Variants in CHST11 observed in about 807,000 individuals in gnomAD.
CHST11 encodes carbohydrate sulfotransferase 11, also known as C4S-1.
In CHST11, 9 loss-of-function variants were observed where a neutral mutation model predicts 30.4. The ratio of observed to expected loss-of-function variants is 0.30; its 90% CI spans 0.18 to 0.52. The LOEUF (loss-of-function observed/expected upper bound fraction) is 0.52, where lower values mean the gene tolerates loss of function less well. Among genes scored for constraint, CHST11 ranks in the 20% least tolerant of loss-of-function variants. The pLI is 0.97. For synonymous variants in CHST11, 152 were observed against 187.8 expected (o/e 0.81, Z 1.56); for missense variants, 348 against 460.6 (o/e 0.76, Z 2.24).
chr12:104,686,232 T>TAAGAAAAAAAAAA (rs2039844837), intron 2 of CHST11, among the ~76,000 whole-genome samples: 1 of 99,140 alleles, frequency 1.0e-5, no homozygotes, highest in South Asian at 3.7e-4. Context: ...ACTCACCTCT[T>TAAGAAAAAAAAAA]AAAAAAAAAA....
chr12:104,513,132 G>GGGT (rs2037984602), intron 1 of CHST11, among the ~76,000 whole-genome samples: 1 of 110,212 alleles, frequency 9.1e-6, no homozygotes, highest in African/African-American at 3.9e-5. Flanking sequence ...CTGGGGGGGG[G>GGGT]GGGGGTTGGG....
At chr12:104,727,922 TA>T (rs2040228419) in intron 2 of CHST11, among the ~76,000 whole-genome samples, 1 of 152,054 alleles carries the variant, frequency 6.6e-6, no homozygotes, top group Non-Finnish European at 1.5e-5. Context: ...GCAAGCAAGT[TA>T]AAAATCAGGC....
rs1474273961 is a variant in CHST11, at chr12:104,517,559, C to G, written c.118+60030C>G. ...GCAGGTTGTGATTCCATAGGCCTGG[C>G]CTGGGGTCTGATCCTGCATTTGTAA... On this transcript the variant is annotated intron_variant, in intron 1 of 2. Coordinates refer to ENST00000303694, the MANE Select transcript of CHST11 (RefSeq NM_018413.6). Among the ~76,000 whole-genome samples the G allele has an allele frequency of 2.0e-5, 3 of 152,130 alleles. No individual in the cohort carries two copies. In the East Asian group the frequency reaches 5.8e-4, roughly 29 times the overall value.
chr12:104,734,485 C>T (rs2040283053), intron 2 of CHST11, among the ~76,000 whole-genome samples: 1 of 152,184 alleles, frequency 6.6e-6, no homozygotes, highest in Non-Finnish European at 1.5e-5. Context: ...GTGCTGCTAA[C>T]AAGGGCAGGG....
At chr12:104,717,493 G>A (rs2040140119) in intron 2 of CHST11, among the ~76,000 whole-genome samples, 1 of 152,132 alleles carries the variant, frequency 6.6e-6, no homozygotes, top group Non-Finnish European at 1.5e-5. Context: ...AGGCCAATAG[G>A]CTGGGCGCTG....
At chr12:104,685,499 TA>T (rs1445828547) in intron 2 of CHST11, among the ~76,000 whole-genome samples, 2 of 152,234 alleles carry the variant, frequency 1.3e-5, no homozygotes, top group African/African-American at 4.8e-5. Flanking sequence ...CATTAAGACA[TA>T]ATGTATGGGT....
Position 104,721,389 on chromosome 12 carries a change from C to A in CHST11, c.205-35560C>A, listed in dbSNP as rs184119675. The stretch of plus-strand genomic sequence containing the variant: ...AATCCCACATGGGTCCAGGGCCCCA[C>A]TGGCTCACTGTCTCTGACCGTCTGT... On this transcript the variant is annotated intron_variant, in intron 2 of 2. Coordinates refer to ENST00000303694, the MANE Select transcript of CHST11 (RefSeq NM_018413.6). Among the ~76,000 whole-genome samples the A allele has an allele frequency of 1.7e-3, 257 of 152,376 alleles. 1 individual carries two copies. Among genetic ancestry groups the A allele is most frequent in the African/African-American group, 5.7e-3 (238 of 41,596 alleles).
intron 1 of CHST11, among the ~76,000 whole-genome samples, chr12:104,520,764 G>T (rs751897261): frequency 1.3e-5 from 2 of 152,166 alleles, no homozygotes; most frequent in Admixed American, 6.5e-5. Flanking sequence ...AGGGGCTTTT[G>T]AATTCCCTTG....
chr12:104,580,921 A>G (rs1434671054), intron 1 of CHST11, among the ~76,000 whole-genome samples: 1 of 152,216 alleles, frequency 6.6e-6, no homozygotes, highest in Admixed American at 6.5e-5. Flanking sequence ...TAATTGTCTC[A>G]GAACTTTCAG....
intron 2 of CHST11, among the ~76,000 whole-genome samples, chr12:104,640,042 T>C (rs1287617689): frequency 6.6e-6 from 1 of 152,176 alleles, no homozygotes; most frequent in African/African-American, 2.4e-5. Context: ...ACTTAATACC[T>C]ATTAGAATGT....
chr12:104,484,976 G>C (rs957836268), intron 1 of CHST11, among the ~76,000 whole-genome samples: 29 of 152,216 alleles, frequency 1.9e-4, no homozygotes, highest in African/African-American at 6.8e-4. Flanking sequence ...CGTCTGGGGA[G>C]TTAAATTCTC....
chr12:104,564,749 C>A (rs1338646003), intron 1 of CHST11, among the ~76,000 whole-genome samples: 1 of 152,098 alleles, frequency 6.6e-6, no homozygotes, highest in African/African-American at 2.4e-5. Context: ...CAAGAAATAC[C>A]CGAGACTGGG....
chr12:104,539,742 C>T (rs1275413369), intron 1 of CHST11, among the ~76,000 whole-genome samples: 2 of 152,176 alleles, frequency 1.3e-5, no homozygotes, highest in Non-Finnish European at 2.9e-5. Flanking sequence ...TAAATACAGT[C>T]GTCCTTTGGT....
Position 104,741,510 on chromosome 12 carries a change from T to C in CHST11, c.205-15439T>C, listed in dbSNP as rs78039418. ...ACCTCTTTGGGTGCCTCTCAATTCATAGTTCAGTTACTGTGAAATTCCATG... is the reference window on the plus strand; with the variant it reads ...ACCTCTTTGGGTGCCTCTCAATTCACAGTTCAGTTACTGTGAAATTCCATG... On this transcript the variant is annotated intron_variant, in intron 2 of 2. Transcript: ENST00000303694. 2.2e-3 allele frequency among the ~76,000 whole-genome samples: 337 copies of C among 152,362 alleles called. 1 individual carries two copies. Among genetic ancestry groups the C allele is most frequent in the African/African-American group, 7.8e-3 (323 of 41,594 alleles).
At chr12:104,562,285 C>A (rs1318651349) in intron 1 of CHST11, among the ~76,000 whole-genome samples, 1 of 152,104 alleles carries the variant, frequency 6.6e-6, no homozygotes, top group Non-Finnish European at 1.5e-5. Flanking sequence ...GTTAGGAAAA[C>A]CAGCTCTAGG....
chr12:104,551,400 C>A (rs1228754176), intron 1 of CHST11, among the ~76,000 whole-genome samples: 1 of 151,958 alleles, frequency 6.6e-6, no homozygotes, highest in African/African-American at 2.4e-5. Flanking sequence ...AACGTATGTC[C>A]CGTGACTGCT....
intron 1 of CHST11, among the ~76,000 whole-genome samples, chr12:104,475,658 T>TA (rs2037549998): frequency 2.9e-5 from 1 of 34,172 alleles, no homozygotes; most frequent in Non-Finnish European, 7.4e-5. Flanking sequence ...TAAAGCAGCA[T>TA]TATATATATA....
chr12:104,715,747 C>A (rs531236034), intron 2 of CHST11, among the ~76,000 whole-genome samples: 3 of 152,258 alleles, frequency 2.0e-5, no homozygotes, highest in South Asian at 4.1e-4. Context: ...CTCCCCTCCC[C>A]CTGACAGGAA....
chr12:104,680,471 T>A (rs12315656), intron 2 of CHST11, among the ~76,000 whole-genome samples: 10,057 of 152,222 alleles, frequency 0.066, 881 homozygotes, highest in African/African-American at 0.2. Context: ...GGGGCCAATC[T>A]GCGGGGCCTG....
Sources: allele counts gnomAD v4.1 joint callset (sites outside exome capture counted in the v4.1 genomes callset), GRCh38; gene constraint gnomAD v4.1.1; transcripts MANE v1.5; gene names NCBI Gene and HGNC (gene_info 2026-07-23, HGNC 2026-07-21).